DAB1: variants seen among roughly 807,000 people sequenced by gnomAD.
The protein encoded by DAB1 is disabled homolog 1.
A neutral mutation model predicts 64.6 loss-of-function variants in DAB1; 15 were observed. The ratio of observed to expected loss-of-function variants is 0.23; its 90% confidence interval spans 0.16 to 0.36. The LOEUF (loss-of-function observed/expected upper bound fraction) is 0.36. Ranked by LOEUF, DAB1 falls within the 10% of genes least tolerant of loss-of-function variation. The probability of loss-of-function intolerance (pLI) is 1.00; values close to 1 mark genes in which losing one functional copy is unlikely to be tolerated. For missense variants in DAB1, 596 were observed against 706.7 expected, an observed-to-expected ratio of 0.84 and a Z score of 1.78; for synonymous variants, 235 against 251.9, an observed-to-expected ratio of 0.93 and a Z score of 0.64.
intron 7 of DAB1, among the ~76,000 whole-genome samples, chr1:57,461,991 T>TC (rs1172167991): frequency 7.3e-6 from 1 of 137,592 alleles, no homozygotes; most frequent in East Asian, 2.3e-4. Flanking sequence ...CTTGTCCTTG[T>TC]CCCCCAGGCT....
At chr1:57,524,130 C>A (rs1397288885) in intron 7 of DAB1, among the ~76,000 whole-genome samples, 9 of 151,388 alleles carry the variant, frequency 5.9e-5, no homozygotes, top group Non-Finnish European at 1.3e-4. Context: ...ACTCAGGAAA[C>A]AAAGATCTGA....
At chr1:57,482,491 A>C (rs1258801143) in intron 7 of DAB1, among the ~76,000 whole-genome samples, 3 of 150,852 alleles carry the variant, frequency 2.0e-5, no homozygotes, top group African/African-American at 7.3e-5. Flanking sequence ...AAAAAAAAAA[A>C]AAAAAAAAAA....
chr1:58,057,402 A>G (rs1408055107), intron 5 of DAB1, among the ~76,000 whole-genome samples: 1 of 152,230 alleles, frequency 6.6e-6, no homozygotes, highest in African/African-American at 2.4e-5. Context: ...ACGAGGCCAT[A>G]CTGGATTAGG....
At chr1:57,610,526 A>G (rs1645713049) in intron 7 of DAB1, among the ~76,000 whole-genome samples, 1 of 152,218 alleles carries the variant, frequency 6.6e-6, no homozygotes, top group South Asian at 2.1e-4. Flanking sequence ...CCAAAACTAC[A>G]CTGCCTTTGT....
chr1:57,804,720 G>C (rs1651283378), intron 6 of DAB1, among the ~76,000 whole-genome samples: 1 of 152,188 alleles, frequency 6.6e-6, no homozygotes, highest in Non-Finnish European at 1.5e-5. Context: ...TACCCAGAGG[G>C]AAATTGCAAG....
chr1:58,218,921 AT>A (rs1235010084), intron 4 of DAB1, among the ~76,000 whole-genome samples: 1 of 151,292 alleles, frequency 6.6e-6, no homozygotes, highest in Non-Finnish European at 1.5e-5. Flanking sequence ...TTAAAAAGGT[AT>A]TTAAGACAGG....
intron 5 of DAB1, among the ~76,000 whole-genome samples, chr1:58,007,247 A>AT (rs929199414): frequency 2.6e-5 from 4 of 152,262 alleles, no homozygotes; most frequent in Admixed American, 1.3e-4. Flanking sequence ...AAATGATAAC[A>AT]TTAAAAAAAA....
chr1:57,815,985 G>A (rs1287331562), intron 6 of DAB1, among the ~76,000 whole-genome samples: 1 of 152,142 alleles, frequency 6.6e-6, no homozygotes, highest in Non-Finnish European at 1.5e-5. Flanking sequence ...CAAGATTTCT[G>A]GATCCCTGTT....
At chr1:58,422,529 C>A (rs1370252267) in intron 3 of DAB1, among the ~76,000 whole-genome samples, 1 of 151,934 alleles carries the variant, frequency 6.6e-6, no homozygotes, top group Non-Finnish European at 1.5e-5. Flanking sequence ...CCAGAAGCCA[C>A]CAGCTGTAAT....
intron 7 of DAB1, among the ~76,000 whole-genome samples, chr1:57,603,363 C>T (rs1282706271): frequency 6.6e-6 from 1 of 152,138 alleles, no homozygotes; most frequent in African/African-American, 2.4e-5. Flanking sequence ...TTCTGGCAGG[C>T]GGTCTTTATT....
intron 7 of DAB1, among the ~76,000 whole-genome samples, chr1:57,497,187 A>G (rs1337646154): frequency 1.3e-5 from 2 of 152,248 alleles, no homozygotes; most frequent in Non-Finnish European, 2.9e-5. Flanking sequence ...TCAGTGCACT[A>G]CTGTCTAACA....
chr1:58,107,672 A>T (rs942835911), intron 5 of DAB1, among the ~76,000 whole-genome samples: 8 of 151,742 alleles, frequency 5.3e-5, no homozygotes, highest in Non-Finnish European at 1.2e-4. Flanking sequence ...GCTGAAGTGC[A>T]GTGGTGCAAT....
intron 3 of DAB1, among the ~76,000 whole-genome samples, chr1:58,491,982 A>G (rs1043377839): frequency 2.0e-5 from 3 of 152,160 alleles, no homozygotes; most frequent in African/African-American, 7.2e-5. Context: ...GCACCACACC[A>G]CACCTATTCC....
At chr1:57,055,803 G>A (rs1313517105) in intron 9 of DAB1, among the ~76,000 whole-genome samples, 1 of 151,820 alleles carries the variant, frequency 6.6e-6, no homozygotes, top group East Asian at 1.9e-4. Context: ...CTGGGGAGAG[G>A]GTCCACCATC....
At chr1:58,202,021 G>C (rs368306580) in intron 4 of DAB1, among the ~76,000 whole-genome samples, 1 of 152,058 alleles carries the variant, frequency 6.6e-6, no homozygotes, top group African/African-American at 2.4e-5. Flanking sequence ...TTTACACAAC[G>C]GTGAAATGGG....
At chr1:57,927,928 A>C (rs1233741530) in intron 5 of DAB1, among the ~76,000 whole-genome samples, 1 of 152,206 alleles carries the variant, frequency 6.6e-6, no homozygotes, top group East Asian at 1.9e-4. Context: ...GTACTCATCT[A>C]TCCAATCTCT....
chr1:57,406,627 A>T (rs189931195), intron 1 of DAB1, among the ~76,000 whole-genome samples: 1 of 152,328 alleles, frequency 6.6e-6, no homozygotes, highest in East Asian at 1.9e-4. Flanking sequence ...TCATTGCATC[A>T]TCATTGCCAC....
At position 58,452,154 on chromosome 1, in the gene DAB1, G is replaced by A. The variant is rs367893305; in HGVS notation, n.257+53906C>T. ...TCGCCACGTTGGTCAGGCTGGTCTCGAACTCCTGACCTCAGATGATCCACC... is the reference window on the plus strand; with the variant it reads ...TCGCCACGTTGGTCAGGCTGGTCTCAAACTCCTGACCTCAGATGATCCACC... On this transcript the variant is annotated intron_variant and non_coding_transcript_variant, in intron 3 of 20. Transcript: ENST00000485760. 1.6e-3 allele frequency among the ~76,000 whole-genome samples: 238 copies of A among 151,838 alleles called. 2 individuals are homozygous for A. In the Middle Eastern group the frequency reaches 0.028, roughly 18 times the overall value.
rs545471567 is a variant in DAB1 at position 58,071,912 on chromosome 1, G to T, written n.387+78599C>A. ...TCCAAGCATTATTCTAGGCCTGGGG[G>T]ATTCAACAAAGAACAAAACCAACTA... On this transcript the variant is annotated intron_variant and non_coding_transcript_variant, in intron 5 of 20. Transcript: ENST00000485760. Among the ~76,000 whole-genome samples the T allele has an allele frequency of 6.6e-5, 10 of 152,210 alleles. No individual in the cohort carries two copies. In the East Asian group the frequency reaches 1.9e-3, roughly 29 times the overall value.
Sources: allele counts gnomAD v4.1 joint callset (sites outside exome capture counted in the v4.1 genomes callset), GRCh38; gene constraint gnomAD v4.1.1; transcripts MANE v1.5; gene names NCBI Gene and HGNC (gene_info 2026-07-23, HGNC 2026-07-21).